Variants in H1-2 observed in about 807,000 individuals in gnomAD.
H1-2 encodes the protein H1.2 linker histone, cluster member.
Under a neutral mutation model 7.2 loss-of-function variants are expected in H1-2, and 7 were observed. That is an observed-to-expected ratio of 0.97 (90% CI 0.55 to 1.82). The LOEUF (loss-of-function observed/expected upper bound fraction) is 1.82, where lower values mean the gene tolerates loss of function less well. H1-2 is among the 40% of genes most tolerant of loss of function. H1-2 has a pLI of 0.00. For synonymous variants in H1-2, 300 were observed against 118.2 expected, an observed-to-expected ratio of 2.54 and a Z score of -9.98; for missense variants, 703 against 276.6, an observed-to-expected ratio of 2.54 and a Z score of -10.94.
rs1225631296 is a variant in H1-2, at chr6:26,056,253, A to G, written c.176T>C (p.Leu59Pro). 6.2e-7 allele frequency: 1 copy of G among 1,614,122 alleles called. No individual in the cohort carries two copies. The highest frequency in any genetic ancestry group is 1.3e-5 in the African/African-American group (1 of 74,946). ...AASKERSGVS[L>P]AALKKALAAA... ...AGCCAACGCTTTTTTCAGAGCAGCC[A>G]GAGAAACTCCGCTACGCTCTTTAGA... is the stretch of plus-strand genomic sequence containing the variant. Residue 59 changes from leucine (L) to proline (P), a missense_variant, in exon 1 of 1, where the codon CTG becomes CCG. Transcript: ENST00000343677.
rs202109685 is a variant in H1-2, at chr6:26,055,948, G to A, written c.481C>T (p.Pro161Ser). 2.2e-5 allele frequency: 35 copies of A among 1,614,102 alleles called. No individual in the cohort carries two copies. In the African/African-American group the frequency reaches 4.3e-4, roughly 20 times the overall value. Residue 161 changes from proline to serine, a missense_variant, in exon 1 of 1, where the codon CCG (proline) becomes TCG (serine). Pro to Ser is a moderately conservative substitution (Grantham distance 74). Coordinates refer to ENST00000343677, the MANE Select transcript of H1-2 (RefSeq NM_005319.4). Reference protein sequence around the residue: ...AKKTPKKAKKPAAATVTKKVA... With the variant: ...AKKTPKKAKKSAAATVTKKVA... ...TTCTTGGTTACAGTGGCCGCGGCCG[G>A]CTTCTTCGCTTTCTTCGGTGTTTTC... is the stretch of plus-strand genomic sequence containing the variant.
At position 26,056,402 on chromosome 6, in the gene H1-2, G is replaced by A. The variant is rs755518803; in HGVS notation, c.27C>T (p.Pro9=). Residue 9 remains proline (P), a synonymous_variant, in exon 1 of 1, where the codon CCC becomes CCT. Coordinates refer to ENST00000343677, the MANE Select transcript of H1-2 (RefSeq NM_005319.4). The part of the protein sequence containing the change: MSETAPAA[P]AAAPPAEKAP... ...CCTTCTCCGCAGGAGGCGCGGCAGCGGGAGCGGCAGGAGCAGTCTCGGACA... is the reference window on the plus strand; with the variant it reads ...CCTTCTCCGCAGGAGGCGCGGCAGCAGGAGCGGCAGGAGCAGTCTCGGACA... 14 of 1,599,952 alleles carry A rather than the reference G, an allele frequency of 8.8e-6. No individual in the cohort carries two copies. Among genetic ancestry groups the A allele is most frequent in the African/African-American group, 2.7e-5 (2 of 74,112 alleles).
rs1311267446 is a variant in H1-2, at chr6:26,056,421, T to C, written c.8A>G (p.Glu3Gly). The C allele has an allele frequency of 1.3e-6, 2 of 1,581,716 alleles. No homozygotes were observed. Among genetic ancestry groups the C allele is most frequent in the Non-Finnish European group, 1.7e-6 (2 of 1,167,346 alleles). MS[E>G]TAPAAPAAAP... ...GGCAGCGGGAGCGGCAGGAGCAGTC[T>C]CGGACATGTTGAGAATCAAAAACTC... Residue 3 changes from glutamate to glycine, a missense_variant, in exon 1 of 1, where the codon GAG (glutamate) becomes GGG (glycine). By Grantham distance (98) the Glu-to-Gly change is moderately conservative. Transcript: ENST00000343677.
At position 26,055,848 on chromosome 6, in the gene H1-2, T is replaced by A; in HGVS notation, c.581A>T (p.Lys194Met). 1 of 1,613,948 alleles carries A rather than the reference T, an allele frequency of 6.2e-7. No individual in the cohort carries two copies. Among genetic ancestry groups the A allele is most frequent in the Non-Finnish European group, 8.5e-7 (1 of 1,179,898 alleles). ...AACCTTGGGCTTAGCGGCCTTGGGC[T>A]TCACAGCCTTAGCAGCACTTTTGGC... ...KAAKSAAKAV[K>M]PKAAKPKVVK... Residue 194 changes from lysine to methionine, a missense_variant, in exon 1 of 1, where the codon AAG (lysine) becomes ATG (methionine). Physicochemically the swap from Lys to Met is moderately conservative, Grantham distance 95. Transcript: ENST00000343677.
In H1-2 at chr6:26,055,772, G is replaced by T. The variant is rs538455060; in HGVS notation, c.*15C>A. ...TCTGAAAAGAGCCTTTTGGGTTTTA[G>T]AAGTAGGCGTTCGCCTATTTCTTCT... On this transcript the variant is annotated 3_prime_UTR_variant, in exon 1 of 1. Coordinates refer to ENST00000343677, the MANE Select transcript of H1-2 (RefSeq NM_005319.4). 20 of 1,580,836 alleles carry T rather than the reference G, an allele frequency of 1.3e-5. No individual in the cohort carries two copies. The highest frequency in any genetic ancestry group is 1.6e-5 in the Non-Finnish European group (19 of 1,170,798).
rs773668756 is a variant in H1-2 at position 26,056,174 on chromosome 6, CTT to C, written c.253_254del (p.Lys85GlufsTer21). The C allele has an allele frequency of 2.5e-6, 4 of 1,614,250 alleles. No individual in the cohort carries two copies. The highest frequency in any genetic ancestry group is 2.5e-6 in the Non-Finnish European group (3 of 1,180,042). On this transcript the variant is annotated frameshift_variant, in exon 1 of 1. Transcript: ENST00000343677. LOFTEE classifies it high-confidence loss of function. ...CCAGAGTGCCCTTGCTCACCAGGCT[CTT>C]GAGACCAAGTTTGATACGGCTGTTG... ...KNNSRIKLGL[K>X]SLVSKGTLVQ...
Position 26,055,871 on chromosome 6 carries a change from G to A in H1-2, c.558C>T (p.Ala186=), listed in dbSNP as rs751596170. 9.3e-6 allele frequency: 15 copies of A among 1,614,066 alleles called. No individual in the cohort carries two copies. The highest frequency in any genetic ancestry group is 2.2e-5 in the East Asian group (1 of 44,876). Residue 186 remains alanine (A), a synonymous_variant, in exon 1 of 1, where the codon GCC becomes GCT. Transcript: ENST00000343677. ...GCTTCACAGCCTTAGCAGCACTTTT[G>A]GCAGCTTTCTTGGGCTTCGCAACCT... ...KAKVAKPKKA[A]KSAAKAVKPK...
chr6:26,056,147 C>A lies in H1-2; in HGVS notation c.282G>T (p.Val94=), dbSNP rs201766587. 1 of 1,614,234 alleles carries A rather than the reference C, an allele frequency of 6.2e-7. No individual in the cohort carries two copies. Among genetic ancestry groups the A allele is most frequent in the East Asian group, 2.2e-5 (1 of 44,884 alleles). The change falls in exon 1 of 1, where the codon GTG becomes GTT. Residue 94 remains valine (V), a synonymous_variant. Coordinates refer to ENST00000343677, the MANE Select transcript of H1-2 (RefSeq NM_005319.4). The part of the protein sequence containing the change: ...LKSLVSKGTL[V]QTKGTGASGS... ...CAGAAGCACCGGTGCCTTTCGTTTG[C>A]ACCAGAGTGCCCTTGCTCACCAGGC...
Position 26,056,404 on chromosome 6 carries a change from G to A in H1-2, c.25C>T (p.Pro9Ser), listed in dbSNP as rs1393790972. MSETAPAA[P>S]AAAPPAEKAP... Reference sequence around the variant, plus strand: ...TTCTCCGCAGGAGGCGCGGCAGCGGGAGCGGCAGGAGCAGTCTCGGACATG... The same window carrying A: ...TTCTCCGCAGGAGGCGCGGCAGCGGAAGCGGCAGGAGCAGTCTCGGACATG... Residue 9 changes from proline to serine, a missense_variant, in exon 1 of 1, where the codon CCC becomes TCC. By Grantham distance (74) the Pro-to-Ser change is moderately conservative (BLOSUM62 -1). Transcript: ENST00000343677. 1.3e-6 allele frequency: 2 copies of A among 1,598,858 alleles called. No individual in the cohort carries two copies. Among genetic ancestry groups the A allele is most frequent in the South Asian group, 1.1e-5 (1 of 89,656 alleles).
At position 26,056,464 on chromosome 6, in the gene H1-2, C is replaced by T. The variant is rs374803959; in HGVS notation, c.-36G>A. ...AAAAACTCGGGTACAAGTGGCAAAGCGCCGATGAAGCAGCGCCTGGGCAGG... is the reference window on the plus strand; with the variant it reads ...AAAAACTCGGGTACAAGTGGCAAAGTGCCGATGAAGCAGCGCCTGGGCAGG... On this transcript the variant is annotated 5_prime_UTR_variant, in exon 1 of 1. Coordinates refer to ENST00000343677, the MANE Select transcript of H1-2 (RefSeq NM_005319.4). The T allele has an allele frequency of 5.8e-6, 9 of 1,538,524 alleles. No individual in the cohort carries two copies. The highest frequency in any genetic ancestry group is 4.3e-5 in the Admixed American group (2 of 45,994).
In H1-2 at chr6:26,056,223, G is replaced by T. The variant is rs765166827; in HGVS notation, c.206C>A (p.Ala69Asp). The change falls in exon 1 of 1, where the codon GCC (alanine) becomes GAC (aspartate). Residue 69 changes from alanine (A) to aspartate (D), a missense_variant. Transcript: ENST00000343677. ...LAALKKALAA[A>D]GYDVEKNNSR... ...GTTGTTTTTCTCCACATCATAGCCG[G>T]CGGCAGCCAACGCTTTTTTCAGAGC... 6.2e-7 allele frequency: 1 copy of T among 1,614,232 alleles called. No individual in the cohort carries two copies. The highest frequency in any genetic ancestry group is 8.5e-7 in the Non-Finnish European group (1 of 1,180,030).
Position 26,056,434 on chromosome 6 carries a change from G to C in H1-2, c.-6C>G, listed in dbSNP as rs371122227. 7 of 1,562,688 alleles carry C rather than the reference G, an allele frequency of 4.5e-6. No homozygotes were observed. The highest frequency in any genetic ancestry group is 2.8e-5 in the African/African-American group (2 of 72,620). On this transcript the variant is annotated 5_prime_UTR_variant, in exon 1 of 1. Transcript: ENST00000343677. ...GCAGGAGCAGTCTCGGACATGTTGA[G>C]AATCAAAAACTCGGGTACAAGTGGC...
rs41266787 is a variant in H1-2, at chr6:26,056,249, A to G, written c.180T>C (p.Ala60=). The change falls in exon 1 of 1, where the codon GCT becomes GCC. Residue 60 remains alanine (A), a synonymous_variant. Transcript: ENST00000343677. ...CGGCAGCCAACGCTTTTTTCAGAGC[A>G]GCCAGAGAAACTCCGCTACGCTCTT... is the stretch of plus-strand genomic sequence containing the variant. ...ASKERSGVSL[A]ALKKALAAAG... The G allele has an allele frequency of 5.9e-5, 95 of 1,614,098 alleles. No individual in the cohort carries two copies. Among genetic ancestry groups the G allele is most frequent in the Non-Finnish European group, 7.9e-5 (93 of 1,180,036 alleles).
rs777384681 is a variant in H1-2 at position 26,056,019 on chromosome 6, T to C, written c.410A>G (p.Lys137Arg). 1 of 1,614,088 alleles carries C rather than the reference T, an allele frequency of 6.2e-7. No individual in the cohort carries two copies. Residue 137 changes from lysine to arginine, a missense_variant, in exon 1 of 1, where the codon AAG (lysine) becomes AGG (arginine). Coordinates refer to ENST00000343677, the MANE Select transcript of H1-2 (RefSeq NM_005319.4). ...KPKKPVGAAK[K>R]PKKAAGGATP... ...TGCGCCGCCAGCCGCCTTCTTGGGCTTCTTGGCTGCCCCAACTGGCTTCTT... is the reference window on the plus strand; with the variant it reads ...TGCGCCGCCAGCCGCCTTCTTGGGCCTCTTGGCTGCCCCAACTGGCTTCTT...
chr6:26,056,030 C>A lies in H1-2; in HGVS notation c.399G>T (p.Gly133=), dbSNP rs780078059. The change falls in exon 1 of 1, where the codon GGG becomes GGT. Residue 133 remains glycine, a synonymous_variant. Transcript: ENST00000343677. ...AGGTKPKKPV[G]AAKKPKKAAG... is the part of the protein sequence containing the mutation. ...CCGCCTTCTTGGGCTTCTTGGCTGC[C>A]CCAACTGGCTTCTTAGGTTTGGTTC... 5.0e-6 allele frequency: 8 copies of A among 1,614,060 alleles called. No individual in the cohort carries two copies. Among genetic ancestry groups the A allele is most frequent in the Non-Finnish European group, 6.8e-6 (8 of 1,180,018 alleles).
Position 26,056,104 on chromosome 6 carries a change from T to G in H1-2, c.325A>C (p.Lys109Gln), listed in dbSNP as rs766001658. The part of the protein sequence containing the change: ...TGASGSFKLN[K>Q]KAASGEAKPK... ...TTGGCTTCCCCGGAGGCTGCCTTCT[T>G]GTTGAGTTTAAAGGAGCCAGAAGCA... The change falls in exon 1 of 1, where the codon AAG becomes CAG. Residue 109 changes from lysine to glutamine, a missense_variant. Coordinates refer to ENST00000343677, the MANE Select transcript of H1-2 (RefSeq NM_005319.4). The G allele has an allele frequency of 1.1e-5, 17 of 1,614,066 alleles. No homozygotes were observed. Among genetic ancestry groups the G allele is most frequent in the African/African-American group, 1.3e-5 (1 of 74,934 alleles).
In H1-2 at chr6:26,056,435, A is replaced by C. The variant is rs774223681; in HGVS notation, c.-7T>G. 6.4e-7 allele frequency: 1 copy of C among 1,562,012 alleles called. No homozygotes were observed. The highest frequency in any genetic ancestry group is 1.2e-5 in the South Asian group (1 of 83,628). ...CAGGAGCAGTCTCGGACATGTTGAG[A>C]ATCAAAAACTCGGGTACAAGTGGCA... On this transcript the variant is annotated 5_prime_UTR_variant, in exon 1 of 1. The change creates a new upstream start codon in the 5' untranslated region. Transcript: ENST00000343677.
At position 26,055,894 on chromosome 6, in the gene H1-2, C is replaced by G. The variant is rs1409314848; in HGVS notation, c.535G>C (p.Val179Leu). ...KVAKSPKKAK[V>L]AKPKKAAKSA... ...TTGGCAGCTTTCTTGGGCTTCGCAA[C>G]CTTGGCCTTCTTTGGGCTCTTAGCC... is the stretch of plus-strand genomic sequence containing the variant. Residue 179 changes from valine (V) to leucine (L), a missense_variant, in exon 1 of 1, where the codon GTT becomes CTT. By Grantham distance (32) the Val-to-Leu change is conservative. Transcript: ENST00000343677. 6.2e-7 allele frequency: 1 copy of G among 1,614,200 alleles called. No homozygotes were observed. Among genetic ancestry groups the G allele is most frequent in the Admixed American group, 1.7e-5 (1 of 60,022 alleles).
chr6:26,055,780 C>G lies in H1-2; in HGVS notation c.*7G>C, dbSNP rs370495764. The G allele has an allele frequency of 6.3e-7, 1 of 1,585,266 alleles. No individual in the cohort carries two copies. The highest frequency in any genetic ancestry group is 8.5e-7 in the Non-Finnish European group (1 of 1,172,324). ...GAGCCTTTTGGGTTTTAGAAGTAGG[C>G]GTTCGCCTATTTCTTCTTGGGCGCC... On this transcript the variant is annotated 3_prime_UTR_variant, in exon 1 of 1. Coordinates refer to ENST00000343677, the MANE Select transcript of H1-2 (RefSeq NM_005319.4).
Sources: gnomAD v4.1 joint callset for allele counts on GRCh38, gnomAD v4.1.1 for gene constraint, MANE v1.5 for transcripts, NCBI Gene and HGNC (gene_info 2026-07-23, HGNC 2026-07-21) for gene names.